Variants in RUNX1 observed in about 807,000 individuals in gnomAD.
RUNX1 encodes the protein RUNX family transcription factor 1, also known as runt-related transcription factor 1.
Under a neutral mutation model 42.8 loss-of-function variants are expected in RUNX1, and 19 were observed. That is an observed-to-expected ratio of 0.44 (90% CI 0.31 to 0.65). The LOEUF (loss-of-function observed/expected upper bound fraction) is 0.65. Ranked by LOEUF, RUNX1 falls within the 30% of genes least tolerant of loss-of-function variation. The pLI, the probability that RUNX1 is intolerant of heterozygous loss-of-function variation, is 0.07. For synonymous variants in RUNX1, 271 were observed against 289.4 expected (o/e 0.94, Z 0.64); for missense variants, 528 against 672.0 (o/e 0.79, Z 2.37).
intron 2 of RUNX1, among the ~76,000 whole-genome samples, chr21:35,017,641 T>C (rs2834735): frequency 0.29 from 44,621 of 152,016 alleles, 7,059 homozygotes; most frequent in Non-Finnish European, 0.37. Context: ...GCAGGGAACG[T>C]GGGAACTCTA....
chr21:34,868,670 C>T (rs1042852169), intron 5 of RUNX1, among the ~76,000 whole-genome samples: 3 of 152,196 alleles, frequency 2.0e-5, no homozygotes, highest in Non-Finnish European at 4.4e-5. Flanking sequence ...GGTTCTGTAC[C>T]TCTGAGCCTT....
At chr21:34,871,493 T>C (rs1160795284) in intron 5 of RUNX1, among the ~76,000 whole-genome samples, 1 of 152,174 alleles carries the variant, frequency 6.6e-6, no homozygotes, top group African/African-American at 2.4e-5. Flanking sequence ...GCCTGACCTA[T>C]TCCAGAAACT....
At chr21:34,957,880 T>C (rs2058655917) in intron 2 of RUNX1, among the ~76,000 whole-genome samples, 1 of 152,166 alleles carries the variant, frequency 6.6e-6, no homozygotes, top group African/African-American at 2.4e-5. Context: ...TATGGCTTCA[T>C]CTGAGGGGTA....
intron 2 of RUNX1, among the ~76,000 whole-genome samples, chr21:34,958,419 CATTT>C (rs1406452454): frequency 6.6e-6 from 1 of 152,132 alleles, no homozygotes; most frequent in Non-Finnish European, 1.5e-5. Context: ...CAAAAGAAGA[CATTT>C]ATGCAGCCAA....
chr21:34,893,987 C>CAA lies in RUNX1; in HGVS notation c.59-1026_59-1025dup, dbSNP rs367907659. ...ATATGTATAGTCTCAAAGGAGCATC[C>CAA]AAAAAAAAACGAGATTGTGGTTCAC... On this transcript the variant is annotated intron_variant, in intron 2 of 8. Transcript: ENST00000675419. Among the ~76,000 whole-genome samples, 5 of 146,668 alleles carry CAA rather than the reference C, an allele frequency of 3.4e-5. No homozygotes were observed. The East Asian group carries it at 7.8e-4, about 23-fold the overall frequency.
At chr21:34,996,174 A>G (rs1380497076) in intron 2 of RUNX1, among the ~76,000 whole-genome samples, 2 of 152,108 alleles carry the variant, frequency 1.3e-5, no homozygotes, top group Non-Finnish European at 2.9e-5. Flanking sequence ...GAATTCTCCC[A>G]AGGAACCACC....
Position 34,788,849 on chromosome 21 carries a change from C to T in RUNX1, c.*3286G>A, listed in dbSNP as rs1334347946. 4.3e-6 allele frequency: 1 copy of T among 233,330 alleles called. No individual in the cohort carries two copies. The highest frequency in any genetic ancestry group is 8.5e-6 in the Non-Finnish European group (1 of 118,054). The allele number at this position is 233,330 out of a possible 1,614,324, so 14.5% of individuals were successfully genotyped here. A position where few individuals can be genotyped will look rare whatever the true frequency, so the allele number is the denominator to read the frequency against. ...AATTTTCATGTATAAAAGACCCAAA[C>T]ATGTCATTCCCCCCAAAAATAAAAA... On this transcript the variant is annotated 3_prime_UTR_variant, in exon 9 of 9. Coordinates refer to ENST00000675419, the MANE Select transcript of RUNX1 (RefSeq NM_001754.5).
At chr21:34,890,047 G>A (rs1203362192) in intron 3 of RUNX1, among the ~76,000 whole-genome samples, 1 of 152,130 alleles carries the variant, frequency 6.6e-6, no homozygotes, top group African/African-American at 2.4e-5. Flanking sequence ...CCTCCCCCAG[G>A]GCTAGGGTGC....
rs1457248371 is a variant in RUNX1 at position 34,790,948 on chromosome 21, TCAAATCCTC to T, written c.*1178_*1186del. On this transcript the variant is annotated 3_prime_UTR_variant, in exon 9 of 9. Coordinates refer to ENST00000675419, the MANE Select transcript of RUNX1 (RefSeq NM_001754.5). ...GGGTGAGCAAATCCCTGGGCAGAAA[TCAAATCCTC>T]TCCAAAGATGTAATTATTGGCACCT... The T allele has an allele frequency of 4.3e-6, 1 of 233,502 alleles. No homozygotes were observed. Among genetic ancestry groups the T allele is most frequent in the Non-Finnish European group, 8.5e-6 (1 of 118,046 alleles). The allele number at this position is 233,502 out of a possible 1,614,324, so 14.5% of individuals were successfully genotyped here. A position where few individuals can be genotyped will look rare whatever the true frequency, so the allele number is the denominator to read the frequency against.
intron 7 of RUNX1, among the ~76,000 whole-genome samples, chr21:34,826,440 T>TC (rs1206929991): frequency 5.7e-5 from 8 of 140,480 alleles, no homozygotes; most frequent in African/African-American, 7.7e-5. Flanking sequence ...CTTTCTTTTT[T>TC]TTTTTTTTTT....
rs113511824 is a variant in RUNX1, at chr21:34,854,877, G to T, written c.613+4597C>A. Among the ~76,000 whole-genome samples the T allele has an allele frequency of 5.2e-4, 79 of 152,252 alleles. 1 individual carries two copies. Among genetic ancestry groups the T allele is most frequent in the African/African-American group, 1.9e-3 (79 of 41,538 alleles). On this transcript the variant is annotated intron_variant, in intron 6 of 8. Coordinates refer to ENST00000675419, the MANE Select transcript of RUNX1 (RefSeq NM_001754.5). Reference sequence around the variant, plus strand: ...TGCAGAGGCCTGTCCTTCCCTCCAGGTTTGTACTTCCCGGCATCTGCTGGG... The same window carrying T: ...TGCAGAGGCCTGTCCTTCCCTCCAGTTTTGTACTTCCCGGCATCTGCTGGG...
At chr21:34,841,927 G>A (rs1256076812) in intron 6 of RUNX1, among the ~76,000 whole-genome samples, 20 of 152,154 alleles carry the variant, frequency 1.3e-4, no homozygotes, top group Admixed American at 1.3e-3. Context: ...CAAAGACAGG[G>A]ATTTTGTATT....
chr21:34,853,491 C>T (rs569600145), intron 6 of RUNX1, among the ~76,000 whole-genome samples: 4 of 152,296 alleles, frequency 2.6e-5, no homozygotes, highest in Admixed American at 2.6e-4. Context: ...GGCATCGGTG[C>T]GTGCCAGCAT....
chr21:35,000,871 G>T (rs577209369), intron 2 of RUNX1, among the ~76,000 whole-genome samples: 2 of 152,318 alleles, frequency 1.3e-5, no homozygotes, highest in Admixed American at 1.3e-4. Flanking sequence ...TTACTAGTTT[G>T]TCCCTGAGCC....
At chr21:34,984,190 G>A (rs769814785) in intron 2 of RUNX1, among the ~76,000 whole-genome samples, 1 of 152,120 alleles carries the variant, frequency 6.6e-6, no homozygotes, top group Non-Finnish European at 1.5e-5. Flanking sequence ...GGATGTATTT[G>A]GAGTAAGAGA....
chr21:34,846,822 AGAAC>A (rs2057324346), intron 6 of RUNX1, among the ~76,000 whole-genome samples: 1 of 152,234 alleles, frequency 6.6e-6, no homozygotes, highest in Non-Finnish European at 1.5e-5. Context: ...CCCGAAGAAT[AGAAC>A]GGGTTTCTCT....
intron 3 of RUNX1, chr21:34,887,696 A>G (rs1362261162): frequency 9.4e-7 from 1 of 1,063,732 alleles, no homozygotes; most frequent in African/African-American, 1.7e-5. Context: ...ATGTGCACGT[A>G]TATATAAATA....
At chr21:34,955,912 A>G (rs1435004248) in intron 2 of RUNX1, among the ~76,000 whole-genome samples, 1 of 152,342 alleles carries the variant, frequency 6.6e-6, no homozygotes, top group East Asian at 1.9e-4. Context: ...CTGCACTTCA[A>G]CCAGGTTAAC....
At chr21:34,825,821 A>G (rs2056978767) in intron 7 of RUNX1, among the ~76,000 whole-genome samples, 1 of 152,224 alleles carries the variant, frequency 6.6e-6, no homozygotes. Context: ...TAAATATAGT[A>G]ACATGTATCC....
Sources: gnomAD v4.1 joint callset for allele counts (sites outside exome capture counted in the v4.1 genomes callset) on GRCh38, gnomAD v4.1.1 for gene constraint, MANE v1.5 for transcripts, NCBI Gene and HGNC (gene_info 2026-07-23, HGNC 2026-07-21) for gene names.